HS3ST5: variants seen among roughly 807,000 people sequenced by gnomAD.
HS3ST5 encodes heparan sulfate glucosamine 3-O-sulfotransferase 5.
A neutral mutation model predicts 25.4 loss-of-function variants in HS3ST5; 10 were observed. The observed-to-expected ratio is 0.39, with a 90% confidence interval of 0.24 to 0.67. HS3ST5 has a LOEUF of 0.67. Among genes scored for constraint, HS3ST5 ranks in the 30% least tolerant of loss-of-function variants. HS3ST5 has a pLI of 0.44. For synonymous variants in HS3ST5, 170 were observed against 162.4 expected (o/e 1.05, Z -0.36); for missense variants, 324 against 420.7 (o/e 0.77, Z 2.01).
intron 1 of HS3ST5, among the ~76,000 whole-genome samples, chr6:114,252,953 T>C (rs1344048126): frequency 1.3e-5 from 2 of 152,112 alleles, no homozygotes; most frequent in African/African-American, 2.4e-5. Flanking sequence ...TCCTAGCACT[T>C]TGGGAATTGC....
At chr6:114,135,250 T>A (rs1327961334) in intron 3 of HS3ST5, among the ~76,000 whole-genome samples, 1 of 152,208 alleles carries the variant, frequency 6.6e-6, no homozygotes, top group Non-Finnish European at 1.5e-5. Context: ...ATTCCTTCCA[T>A]AATTCACAGC....
intron 3 of HS3ST5, among the ~76,000 whole-genome samples, chr6:114,134,558 C>T (rs57753254): frequency 6.6e-6 from 1 of 152,206 alleles, no homozygotes; most frequent in African/African-American, 2.4e-5. Flanking sequence ...TTGATTCTAG[C>T]TCAGTTGTTC....
intron 2 of HS3ST5, among the ~76,000 whole-genome samples, chr6:114,179,571 T>A (rs1026544505): frequency 6.6e-6 from 1 of 152,090 alleles, no homozygotes; most frequent in African/African-American, 2.4e-5. Flanking sequence ...TCAATACTGC[T>A]TAGTCAATGA....
Position 114,296,960 on chromosome 6 carries a change from G to A in HS3ST5, c.-339+45235C>T, listed in dbSNP as rs574509215. Among the ~76,000 whole-genome samples, 24 of 152,222 alleles carry A rather than the reference G, an allele frequency of 1.6e-4. No individual in the cohort carries two copies. In the South Asian group the frequency reaches 2.9e-3, roughly 18 times the overall value. ...ACACAAAGGTGAAAGTTGAAAGGGG[G>A]TCTTGCAGCAAAATGGGAGTACACG... On this transcript the variant is annotated intron_variant, in intron 1 of 4. Coordinates refer to ENST00000312719, the MANE Select transcript of HS3ST5 (RefSeq NM_153612.4).
At chr6:114,089,474 T>C (rs1388315108) in intron 3 of HS3ST5, among the ~76,000 whole-genome samples, 2 of 152,244 alleles carry the variant, frequency 1.3e-5, no homozygotes, top group Non-Finnish European at 2.9e-5. Context: ...GTCCCTTTCA[T>C]ACATTTATTT....
intron 1 of HS3ST5, among the ~76,000 whole-genome samples, chr6:114,341,686 C>T (rs1776885549): frequency 6.6e-6 from 1 of 151,902 alleles, no homozygotes. Flanking sequence ...AAAACCCCAC[C>T]CACATGTTAA....
At chr6:114,169,748 A>G (rs909969663) in intron 2 of HS3ST5, among the ~76,000 whole-genome samples, 4 of 152,174 alleles carry the variant, frequency 2.6e-5, no homozygotes, top group African/African-American at 9.7e-5. Context: ...TTAAAATGCT[A>G]AACTCAAGAG....
chr6:114,321,580 A>G (rs368418484), intron 1 of HS3ST5, among the ~76,000 whole-genome samples: 10 of 152,186 alleles, frequency 6.6e-5, no homozygotes, highest in African/African-American at 2.2e-4. Context: ...TGCAAGTTCG[A>G]TAATGATAAA....
At chr6:114,218,288 G>A (rs1781866973) in intron 2 of HS3ST5, among the ~76,000 whole-genome samples, 2 of 152,142 alleles carry the variant, frequency 1.3e-5, no homozygotes, top group South Asian at 4.1e-4. Flanking sequence ...GTGAGCCGCC[G>A]TGCCCGGTCT....
chr6:114,067,961 A>G lies in HS3ST5; in HGVS notation c.-32-5084T>C, dbSNP rs375814664. ...ATGTCTATCTCACAGGGTTCTTATG[A>G]TGTGAGCACTGAGTAAAACAGTAGG... is the stretch of plus-strand genomic sequence containing the variant. On this transcript the variant is annotated intron_variant, in intron 3 of 4. Coordinates refer to ENST00000312719, the MANE Select transcript of HS3ST5 (RefSeq NM_153612.4). Among the ~76,000 whole-genome samples the G allele has an allele frequency of 3.9e-5, 6 of 152,228 alleles. No individual in the cohort carries two copies. The East Asian group carries it at 7.7e-4, about 20-fold the overall frequency.
At chr6:114,163,587 T>C (rs185133348) in intron 3 of HS3ST5, among the ~76,000 whole-genome samples, 9 of 152,292 alleles carry the variant, frequency 5.9e-5, no homozygotes, top group South Asian at 4.1e-4. Flanking sequence ...ACTCAATGTC[T>C]TTGAACGTTA....
At chr6:114,187,698 C>T (rs1025337254) in intron 2 of HS3ST5, among the ~76,000 whole-genome samples, 1 of 152,170 alleles carries the variant, frequency 6.6e-6, no homozygotes, top group African/African-American at 2.4e-5. Flanking sequence ...AGAAGACTGA[C>T]TTGAGTTTTG....
intron 1 of HS3ST5, among the ~76,000 whole-genome samples, chr6:114,297,048 C>A (rs945507896): frequency 6.6e-6 from 1 of 152,100 alleles, no homozygotes; most frequent in Non-Finnish European, 1.5e-5. Context: ...TCAGAATCAG[C>A]AAATGGATCA....
At chr6:114,234,670 A>C (rs1771770707) in intron 1 of HS3ST5, among the ~76,000 whole-genome samples, 1 of 152,180 alleles carries the variant, frequency 6.6e-6, no homozygotes, top group African/African-American at 2.4e-5. Context: ...GCCTTTTCTG[A>C]CATGCTTCTT....
intron 3 of HS3ST5, among the ~76,000 whole-genome samples, chr6:114,141,246 A>T (rs1330344645): frequency 6.6e-6 from 1 of 152,238 alleles, no homozygotes; most frequent in Non-Finnish European, 1.5e-5. Context: ...TCAACGATTG[A>T]AATGTAATCA....
At chr6:114,142,456 G>C in intron 3 of HS3ST5, among the ~76,000 whole-genome samples, 1 of 152,192 alleles carries the variant, frequency 6.6e-6, no homozygotes. Flanking sequence ...TCACGAGTGA[G>C]TCATGGGAGG....
At chr6:114,332,267 G>T (rs1776431274) in intron 1 of HS3ST5, among the ~76,000 whole-genome samples, 1 of 152,094 alleles carries the variant, frequency 6.6e-6, no homozygotes, top group Non-Finnish European at 1.5e-5. Flanking sequence ...AGTTTTCCCT[G>T]CTCCACCAGG....
intron 1 of HS3ST5, among the ~76,000 whole-genome samples, chr6:114,261,583 G>T (rs939944382): frequency 6.6e-6 from 1 of 152,150 alleles, no homozygotes; most frequent in Non-Finnish European, 1.5e-5. Context: ...GAGAAGTAGG[G>T]TTTAATAATT....
In HS3ST5 at chr6:114,057,374, G is replaced by A. The variant is rs368654408; in HGVS notation, c.924C>T (p.Ser308=). The A allele has an allele frequency of 1.3e-4, 211 of 1,613,994 alleles. No homozygotes were observed. Among genetic ancestry groups the A allele is most frequent in the Non-Finnish European group, 1.7e-4 (205 of 1,180,010 alleles). ...CCACCTCTGGATGAATGCGCCCCTT[G>A]CTGCCCGCCAGGCACTTATTAAAGA... ...NIIFNKCLAG[S]KGRIHPEVDP... Residue 308 remains serine (S), a synonymous_variant, in exon 5 of 5, where the codon AGC becomes AGT. Coordinates refer to ENST00000312719, the MANE Select transcript of HS3ST5 (RefSeq NM_153612.4).
Sources: allele counts gnomAD v4.1 joint callset (sites outside exome capture counted in the v4.1 genomes callset), GRCh38; gene constraint gnomAD v4.1.1; transcripts MANE v1.5; gene names NCBI Gene and HGNC (gene_info 2026-07-23, HGNC 2026-07-21).